ZNF133: variants seen among roughly 807,000 people sequenced by gnomAD.
ZNF133 encodes the protein zinc finger protein 133 (clone pHZ-13).
In ZNF133, 26 loss-of-function variants were observed where a neutral mutation model predicts 54.9. The observed-to-expected ratio is 0.47, with a 90% CI of 0.35 to 0.66. ZNF133 has a LOEUF of 0.66. ZNF133 is among the 30% of genes least tolerant of loss of function. The pLI is 0.01. For synonymous variants in ZNF133, 298 were observed against 320.3 expected, an observed-to-expected ratio of 0.93 and a Z score of 0.74; for missense variants, 653 against 820.8, an observed-to-expected ratio of 0.80 and a Z score of 2.50.
In ZNF133 at chr20:18,305,582, A is replaced by G. The variant is rs1317762165; in HGVS notation, c.-6-99A>G. The G allele has an allele frequency of 4.5e-6, 7 of 1,561,022 alleles. No individual in the cohort carries two copies. The highest frequency in any genetic ancestry group is 2.2e-5 in the East Asian group (1 of 44,548). ...GCACCAGGGTCACTGGGATCTTGAT[A>G]TCTCACCTGCCTCCCCCAGGGCAGC... On this transcript the variant is annotated intron_variant, in intron 4 of 6. Coordinates refer to ENST00000425686, the MANE Select transcript of ZNF133 (RefSeq NM_001352452.2). The surrounding 1 kb of genome is among the most constrained non-coding windows in gnomAD (Gnocchi z 4.7).
intron 1 of ZNF133, among the ~76,000 whole-genome samples, chr20:18,296,312 A>G (rs2042224821): frequency 6.6e-6 from 1 of 152,144 alleles, no homozygotes; most frequent in South Asian, 2.1e-4. Flanking sequence ...TGCATAACAT[A>G]AAATTTACCA....
At position 18,315,108 on chromosome 20, in the gene ZNF133, C is replaced by T. The variant is rs140722849; in HGVS notation, c.257C>T (p.Pro86Leu). 4 of 1,561,834 alleles carry T rather than the reference C, an allele frequency of 2.6e-6. No homozygotes were observed. The highest frequency in any genetic ancestry group is 3.5e-6 in the Non-Finnish European group (4 of 1,154,022). ...GAGCTCTACCTCGATCCTTTCTGCC[C>T]TCCGGGTTTCTCCAGTCAGAAATTC... ...EPELYLDPFC[P>L]PGFSSQKFPM... The change falls in exon 7 of 7, where the codon CCT (proline) becomes CTT (leucine). Residue 86 changes from proline to leucine, a missense_variant. Physicochemically the swap from Pro to Leu is moderately conservative, Grantham distance 98. Around this residue, in one of 4 missense-constraint regions of ZNF133, gnomAD observed 227 missense variants for 233.9 expected, o/e 0.97. Coordinates refer to ENST00000425686, the MANE Select transcript of ZNF133 (RefSeq NM_001352452.2).
intron 1 of ZNF133, among the ~76,000 whole-genome samples, chr20:18,297,107 T>C (rs532376592): frequency 6.6e-6 from 1 of 152,222 alleles, no homozygotes; most frequent in African/African-American, 2.4e-5. Context: ...CATTATACTT[T>C]TAAATATTTC....
At chr20:18,292,595 C>T (rs1162417033) in intron 1 of ZNF133, among the ~76,000 whole-genome samples, 1 of 152,176 alleles carries the variant, frequency 6.6e-6, no homozygotes, top group Admixed American at 6.5e-5. Context: ...AAAACCTCAC[C>T]CCACTTCTGT....
intron 1 of ZNF133, among the ~76,000 whole-genome samples, 155 bp downstream of exon 1, chr20:18,288,759 C>T (rs1450313944): frequency 2.0e-5 from 3 of 152,190 alleles, no homozygotes; most frequent in Non-Finnish European, 4.4e-5. Flanking sequence ...GTGGCGCAGG[C>T]CGTCCTCTCC....
chr20:18,297,069 A>G (rs997510421), intron 1 of ZNF133, among the ~76,000 whole-genome samples: 8 of 152,152 alleles, frequency 5.3e-5, no homozygotes, highest in African/African-American at 1.9e-4. Context: ...ATTTAGATTC[A>G]GGTAATTGTT....
intron 1 of ZNF133, among the ~76,000 whole-genome samples, chr20:18,288,973 A>G (rs562620286): frequency 4.1e-4 from 63 of 152,276 alleles, no homozygotes; most frequent in African/African-American, 1.5e-3. Flanking sequence ...GGGGGAGTTG[A>G]ATAAATAAGC....
chr20:18,296,764 G>A (rs1353399554), intron 1 of ZNF133, among the ~76,000 whole-genome samples: 1 of 152,142 alleles, frequency 6.6e-6, no homozygotes, highest in Non-Finnish European at 1.5e-5. Context: ...CTTCCCTTCA[G>A]TTCTTTTGCG....
chr20:18,315,901 G>C lies in ZNF133; in HGVS notation c.1050G>C (p.Glu350Asp). Residue 350 changes from glutamate to aspartate, a missense_variant, in exon 7 of 7, where the codon GAG becomes GAC. This residue lies in a region of ZNF133 where 292 missense variants were observed against 431.6 expected (regional missense o/e 0.68). Transcript: ENST00000425686. ...TGAGACACCAGAGGACACACTTGGA[G>C]GAGAAGACCATCGTGTGCAGTGACT... ...AVVRHQRTHL[E>D]EKTIVCSDCG... 6.2e-7 allele frequency: 1 copy of C among 1,613,978 alleles called. No individual in the cohort carries two copies. The highest frequency in any genetic ancestry group is 8.5e-7 in the Non-Finnish European group (1 of 1,180,014).
intron 6 of ZNF133, 197 bp downstream of exon 6, chr20:18,306,590 G>A (rs571921043): frequency 2.4e-5 from 21 of 869,856 alleles, no homozygotes; most frequent in Admixed American, 2.1e-4. Context: ...CTGGTGTCTC[G>A]TCTCCTTCCT....
chr20:18,311,844 G>C (rs1280713620), intron 6 of ZNF133, among the ~76,000 whole-genome samples: 1 of 152,200 alleles, frequency 6.6e-6, no homozygotes, highest in Non-Finnish European at 1.5e-5. Flanking sequence ...TTCTGGCACT[G>C]TCTGTAAATT....
chr20:18,301,562 T>C (rs879315728), intron 3 of ZNF133, among the ~76,000 whole-genome samples: 15 of 152,096 alleles, frequency 9.9e-5, no homozygotes, highest in Non-Finnish European at 1.9e-4. Context: ...ATTACTAAAA[T>C]CAGAAATGAA....
intron 3 of ZNF133, among the ~76,000 whole-genome samples, chr20:18,303,952 C>A (rs1270862190): frequency 6.6e-6 from 1 of 151,986 alleles, no homozygotes. Context: ...TGGACTTCAT[C>A]AAAATTTAAA....
chr20:18,299,075 A>T (rs979336501), intron 3 of ZNF133, among the ~76,000 whole-genome samples: 3 of 152,196 alleles, frequency 2.0e-5, no homozygotes, highest in African/African-American at 7.2e-5. Flanking sequence ...AATGAGGAAA[A>T]TATGACCCAT....
intron 1 of ZNF133, among the ~76,000 whole-genome samples, chr20:18,296,434 G>A (rs73116210): frequency 0.072 from 10,982 of 151,966 alleles, 491 homozygotes; most frequent in Non-Finnish European, 0.089. Context: ...CTCCATACCC[G>A]TTAAACAATA....
rs202158047 is a variant in ZNF133 at position 18,315,712 on chromosome 20, A to C, written c.861A>C (p.Ile287=). 8.1e-6 allele frequency: 13 copies of C among 1,613,912 alleles called. No homozygotes were observed. Among genetic ancestry groups the C allele is most frequent in the Non-Finnish European group, 1.0e-5 (12 of 1,179,868 alleles). ...TTAACCGGAAGTCAACGCTAATCAT[A>C]CACGAACGGACACACTCCGGTGAGA... ...RGFNRKSTLI[I]HERTHSGEKP... The change falls in exon 7 of 7, where the codon ATA becomes ATC. Residue 287 remains isoleucine (I), a synonymous_variant. Transcript: ENST00000425686.
intron 1 of ZNF133, among the ~76,000 whole-genome samples, chr20:18,291,823 A>G (rs1026095754): frequency 6.6e-6 from 1 of 151,120 alleles, no homozygotes; most frequent in Non-Finnish European, 1.5e-5. Context: ...AGTGATTCTC[A>G]TGCCTCAGCC....
At chr20:18,303,049 A>ATT (rs745480370) in intron 3 of ZNF133, among the ~76,000 whole-genome samples, 1 of 142,678 alleles carries the variant, frequency 7.0e-6, no homozygotes, top group Non-Finnish European at 1.5e-5. Flanking sequence ...CTGGAAAACT[A>ATT]TTTTTTTTTT....
At chr20:18,293,119 G>A (rs1037236446) in intron 1 of ZNF133, among the ~76,000 whole-genome samples, 2 of 152,214 alleles carry the variant, frequency 1.3e-5, no homozygotes, top group African/African-American at 2.4e-5. Flanking sequence ...CAAGGGTTCT[G>A]GTTATTGACT....
Sources: allele counts gnomAD v4.1 joint callset (sites outside exome capture counted in the v4.1 genomes callset), GRCh38; gene constraint gnomAD v4.1.1; regional missense constraint gnomAD v4.1.1; non-coding constraint Gnocchi (gnomAD v3.1); transcripts MANE v1.5; gene names NCBI Gene and HGNC (gene_info 2026-07-23, HGNC 2026-07-21).